RBM6: variants seen among roughly 807,000 people sequenced by gnomAD.
The protein encoded by RBM6 is RNA-binding protein 6.
In RBM6, 23 loss-of-function variants were observed where a neutral mutation model predicts 140.4. The ratio of observed to expected loss-of-function variants is 0.16; its 90% confidence interval spans 0.12 to 0.23. The LOEUF (loss-of-function observed/expected upper bound fraction) is 0.23. Ranked by LOEUF, RBM6 falls within the 10% of genes least tolerant of loss-of-function variation. The pLI is 1.00. For synonymous variants in RBM6, 439 were observed against 475.6 expected (o/e 0.92, Z 1.00); for missense variants, 1,139 against 1,386.7 (o/e 0.82, Z 2.84).
intron 4 of RBM6, among the ~76,000 whole-genome samples, chr3:49,974,090 G>A (rs2084940521): frequency 1.3e-5 from 2 of 151,462 alleles, no homozygotes; most frequent in Non-Finnish European, 2.9e-5. Context: ...GTAGAGACGG[G>A]GTTTCACCGT....
intron 6 of RBM6, among the ~76,000 whole-genome samples, chr3:50,018,292 T>C (rs1443712876): frequency 2.0e-5 from 3 of 152,222 alleles, no homozygotes; most frequent in Admixed American, 6.5e-5. Flanking sequence ...CCTTTTCAGA[T>C]TGGCTTCTTT....
Position 50,061,206 on chromosome 3 carries a change from C to G in RBM6, c.2338C>G (p.Arg780Gly). The G allele has an allele frequency of 6.2e-7, 1 of 1,614,144 alleles. No homozygotes were observed. The highest frequency in any genetic ancestry group is 8.5e-7 in the Non-Finnish European group (1 of 1,180,030). ...RNSDWSSDTN[R>G]QGQQSSSDCY... Reference sequence around the variant, plus strand: ...TTCAGACTGGTCTTCAGATACAAATCGACAAGGACAACAGTGTAAGTAACC... The same window carrying G: ...TTCAGACTGGTCTTCAGATACAAATGGACAAGGACAACAGTGTAAGTAACC... Residue 780 changes from arginine (R) to glycine (G), a missense_variant, in exon 13 of 21, where the codon CGA becomes GGA. Physicochemically the swap from Arg to Gly is moderately radical, Grantham distance 125. This residue lies in a region of RBM6 where 163 missense variants were observed against 182.8 expected (regional missense o/e 0.89). Coordinates refer to ENST00000266022, the MANE Select transcript of RBM6 (RefSeq NM_005777.3).
chr3:49,954,248 G>A (rs2083870302), intron 1 of RBM6, among the ~76,000 whole-genome samples: 1 of 151,914 alleles, frequency 6.6e-6, no homozygotes, highest in Non-Finnish European at 1.5e-5. Flanking sequence ...GACCACCCTG[G>A]CCAACATGGT....
chr3:49,967,974 A>G lies in RBM6; in HGVS notation c.549A>G (p.Leu183=), dbSNP rs1243528230. 1 of 1,614,144 alleles carries G rather than the reference A, an allele frequency of 6.2e-7. No homozygotes were observed. Among genetic ancestry groups the G allele is most frequent in the Non-Finnish European group, 8.5e-7 (1 of 1,180,032 alleles). Residue 183 remains leucine, a synonymous_variant, in exon 3 of 21, where the codon TTA becomes TTG. Coordinates refer to ENST00000266022, the MANE Select transcript of RBM6 (RefSeq NM_005777.3). The surrounding 1 kb of genome is among the most constrained non-coding windows in gnomAD (Gnocchi z 4.0). ...SDFRGRGTYD[L]DFRGRDGSHA... ...TCAGGGGCCGGGGCACTTATGATTT[A>G]GATTTTAGAGGCCGGGATGGATCCC... is the stretch of plus-strand genomic sequence containing the variant.
At chr3:49,969,536 T>A (rs533813544) in intron 3 of RBM6, among the ~76,000 whole-genome samples, 40 of 149,448 alleles carry the variant, frequency 2.7e-4, no homozygotes, top group Admixed American at 2.4e-3. Context: ...TTTTTTCTTT[T>A]ATTCTTTTCT....
chr3:49,943,211 A>G (rs993767227), intron 1 of RBM6, among the ~76,000 whole-genome samples: 1 of 152,156 alleles, frequency 6.6e-6, no homozygotes, highest in Admixed American at 6.6e-5. Context: ...TCATTGGTGT[A>G]CAAATATCTC....
chr3:49,995,802 T>C (rs1285342707), intron 5 of RBM6, among the ~76,000 whole-genome samples: 1 of 152,180 alleles, frequency 6.6e-6, no homozygotes, highest in Admixed American at 6.5e-5. Flanking sequence ...ATATGGTTCC[T>C]AGCAATTCTA....
intron 5 of RBM6, chr3:49,981,593 G>A (rs1333521053): frequency 6.6e-6 from 1 of 152,232 alleles, no homozygotes; most frequent in African/African-American, 2.4e-5. Flanking sequence ...AGGAGCCAGT[G>A]CTGATCACAT....
At chr3:50,051,927 G>A (rs778163290) in intron 7 of RBM6, among the ~76,000 whole-genome samples, 26 of 152,152 alleles carry the variant, frequency 1.7e-4, no homozygotes, top group Non-Finnish European at 3.5e-4. Flanking sequence ...TGTCCCTAGG[G>A]GTAAGAATGG....
At chr3:50,043,262 C>G (rs1559623466) in intron 6 of RBM6, among the ~76,000 whole-genome samples, 1 of 151,984 alleles carries the variant, frequency 6.6e-6, no homozygotes, top group African/African-American at 2.4e-5. Context: ...GGCAGGCGAT[C>G]ACTTTAGGCC....
intron 6 of RBM6, among the ~76,000 whole-genome samples, chr3:50,039,482 A>ACCCCCCCCCCCCCCCCCCC (rs10546220): frequency 8.2e-6 from 1 of 122,148 alleles, no homozygotes; most frequent in African/African-American, 3.2e-5. Context: ...CAGGTGATCC[A>ACCCCCCCCCCCCCCCCCCC]CCCCCCCCCC....
chr3:49,994,296 C>G (rs1256091550), intron 5 of RBM6, among the ~76,000 whole-genome samples: 2 of 152,082 alleles, frequency 1.3e-5, no homozygotes, highest in South Asian at 2.1e-4. Flanking sequence ...CTCCTGAGCT[C>G]AAGTAATCCT....
intron 15 of RBM6, among the ~76,000 whole-genome samples, chr3:50,063,960 CGCTCTGTCGCCCAG>C (rs2090032273): frequency 6.6e-6 from 1 of 151,958 alleles, no homozygotes; most frequent in Non-Finnish European, 1.5e-5. Flanking sequence ...GAGACGGAGC[CGCTCTGTCGCCCAG>C]GCTGGAGTGC....
At chr3:50,015,295 G>T (rs1245004165) in intron 6 of RBM6, among the ~76,000 whole-genome samples, 1 of 150,372 alleles carries the variant, frequency 6.7e-6, no homozygotes, top group Non-Finnish European at 1.5e-5. Context: ...TTTAGCAGAG[G>T]CGGGGTTTCA....
chr3:49,993,112 G>A (rs1250189983), intron 5 of RBM6, among the ~76,000 whole-genome samples: 2 of 152,030 alleles, frequency 1.3e-5, no homozygotes, highest in Non-Finnish European at 2.9e-5. Flanking sequence ...TTAAACTCTG[G>A]GGCAAAGACG....
At chr3:50,055,475 T>C (rs767498116) in intron 8 of RBM6, among the ~76,000 whole-genome samples, 10 of 152,144 alleles carry the variant, frequency 6.6e-5, no homozygotes, top group Admixed American at 5.2e-4. Context: ...GTAAATGATT[T>C]CAGATCTTAT....
intron 13 of RBM6, 48 bp downstream of exon 13, chr3:50,061,269 C>T (rs762035441): frequency 1.9e-6 from 3 of 1,611,812 alleles, no homozygotes; most frequent in Admixed American, 1.7e-5. Flanking sequence ...GCTTGACTTG[C>T]TACTCATTAC....
intron 2 of RBM6, among the ~76,000 whole-genome samples, chr3:49,965,075 A>C (rs2084444784): frequency 6.6e-6 from 1 of 152,142 alleles, no homozygotes; most frequent in Non-Finnish European, 1.5e-5. Context: ...ATAACTACTG[A>C]TATTTTATAT....
chr3:50,012,737 CCTT>C (rs1179632979), intron 6 of RBM6, among the ~76,000 whole-genome samples: 26 of 144,366 alleles, frequency 1.8e-4, no homozygotes, highest in Non-Finnish European at 3.1e-4. Flanking sequence ...CTAGATTCTA[CCTT>C]TTTTTTTTTT....
Sources: allele counts gnomAD v4.1 joint callset (sites outside exome capture counted in the v4.1 genomes callset), GRCh38; gene constraint gnomAD v4.1.1; regional missense constraint gnomAD v4.1.1; non-coding constraint Gnocchi (gnomAD v3.1); transcripts MANE v1.5; gene names NCBI Gene and HGNC (gene_info 2026-07-23, HGNC 2026-07-21).